DYSF: variants seen among roughly 807,000 people sequenced by gnomAD.
DYSF encodes the protein dystrophy-associated fer-1-like 1.
Under a neutral mutation model 274.9 loss-of-function variants are expected in DYSF, and 212 were observed. The ratio of observed to expected loss-of-function variants is 0.77; its 90% CI spans 0.69 to 0.86. The LOEUF (loss-of-function observed/expected upper bound fraction) is 0.86. DYSF is among the 40% of genes least tolerant of loss of function. The probability of loss-of-function intolerance (pLI) is 0.00; values close to 1 mark genes in which losing one functional copy is unlikely to be tolerated. For synonymous variants in DYSF, 1,091 were observed against 1,078.7 expected (o/e 1.01, Z -0.22); for missense variants, 2,666 against 2,783.2 (o/e 0.96, Z 0.95).
chr2:71,483,515 T>C (rs13012044), intron 3 of DYSF, among the ~76,000 whole-genome samples: 31,252 of 151,708 alleles, frequency 0.21, 4,106 homozygotes, highest in African/African-American at 0.37. Context: ...CAGGCTCAGG[T>C]CTCACAGGTG....
intron 3 of DYSF, among the ~76,000 whole-genome samples, chr2:71,499,097 G>A (rs1295395340): frequency 6.6e-6 from 1 of 152,204 alleles, no homozygotes; most frequent in Non-Finnish European, 1.5e-5. Context: ...CTTTGTCCCT[G>A]ATCTGCCCAG....
chr2:71,465,157 C>T (rs956570763), upstream of DYSF, among the ~76,000 whole-genome samples: 4 of 152,064 alleles, frequency 2.6e-5, no homozygotes, highest in Admixed American at 1.3e-4. Flanking sequence ...TGGGATGATC[C>T]GGTAAACAGG....
At chr2:71,569,508 A>G (rs867671831) in intron 26 of DYSF, among the ~76,000 whole-genome samples, 1 of 152,218 alleles carries the variant, frequency 6.6e-6, no homozygotes, top group South Asian at 2.1e-4. Context: ...GCACAACTTG[A>G]TAAAACTTTA....
At chr2:71,674,106 C>T (rs903854582) in intron 51 of DYSF, 91 bp from the exon 52 acceptor site, 1 of 1,169,670 alleles carries the variant, frequency 8.5e-7, no homozygotes, top group Admixed American at 1.9e-5. Context: ...ACTCCTCTGC[C>T]TCCTCCAGGC....
intron 14 of DYSF, among the ~76,000 whole-genome samples, chr2:71,532,409 G>A (rs114430816): frequency 6.6e-6 from 1 of 152,246 alleles, no homozygotes; most frequent in African/African-American, 2.4e-5. Flanking sequence ...GTGAAGGAAG[G>A]TAAAGAAAAA....
intron 35 of DYSF, 84 bp from the exon 36 acceptor site, chr2:71,602,692 C>T: frequency 1.3e-6 from 2 of 1,506,174 alleles, no homozygotes; most frequent in South Asian, 1.2e-5. Context: ...GCCTAGTGCG[C>T]CTTGATACTA....
intron 22 of DYSF, among the ~76,000 whole-genome samples, chr2:71,559,189 G>C (rs551566386): frequency 1.3e-5 from 2 of 152,270 alleles, no homozygotes; most frequent in East Asian, 3.9e-4. Context: ...CAAGGTGCTG[G>C]ACATGTCCAC....
chr2:71,590,414 T>G (rs1258807167), intron 32 of DYSF, 126 bp downstream of exon 32: 2 of 1,004,004 alleles, frequency 2.0e-6, no homozygotes, highest in Non-Finnish European at 3.1e-6. Context: ...GTCACCAGGG[T>G]CCTGTGGCTT....
intron 30 of DYSF, among the ~76,000 whole-genome samples, chr2:71,580,119 G>T (rs748525148): frequency 6.6e-6 from 1 of 152,248 alleles, no homozygotes; most frequent in Non-Finnish European, 1.5e-5. Flanking sequence ...CTTTGTGGTG[G>T]GGTCCCAGGG....
chr2:71,529,303 A>G (rs1377892707), intron 14 of DYSF, among the ~76,000 whole-genome samples: 7 of 152,090 alleles, frequency 4.6e-5, no homozygotes, highest in Non-Finnish European at 8.8e-5. Context: ...CCCCACAGCC[A>G]CTGCTAGCTC....
At chr2:71,538,062 C>G (rs996020720) in intron 16 of DYSF, among the ~76,000 whole-genome samples, 1 of 152,242 alleles carries the variant, frequency 6.6e-6, no homozygotes, top group Non-Finnish European at 1.5e-5. Context: ...CTGGTCTCCA[C>G]GTCAGCATAT....
At chr2:71,530,626 G>C (rs1239297243) in intron 14 of DYSF, among the ~76,000 whole-genome samples, 5 of 152,174 alleles carry the variant, frequency 3.3e-5, no homozygotes, top group Admixed American at 6.5e-5. Flanking sequence ...GGGAGTTGAA[G>C]AATGACCTTA....
chr2:71,508,246 T>C (rs2085699906), intron 4 of DYSF, among the ~76,000 whole-genome samples: 1 of 152,206 alleles, frequency 6.6e-6, no homozygotes, highest in Non-Finnish European at 1.5e-5. Flanking sequence ...TCCTGGCCCA[T>C]CATTCTGAAC....
In DYSF at chr2:71,570,302, C is replaced by T. The variant is rs748720895; in HGVS notation, c.3053C>T (p.Ser1018Phe). The part of the protein sequence containing the change: ...LGWKWEDEEW[S>F]TDLNRAVDEQ... Reference sequence around the variant, plus strand: ...TGGAAGTGGGAAGATGAGGAATGGTCCACAGACCTCAACCGGGCTGTCGAT... The same window carrying T: ...TGGAAGTGGGAAGATGAGGAATGGTTCACAGACCTCAACCGGGCTGTCGAT... The change falls in exon 28 of 56, where the codon TCC becomes TTC. Residue 1018 changes from serine to phenylalanine, a missense_variant. Ser to Phe is a radical substitution (Grantham distance 155). Transcript: ENST00000410020. 8 of 1,614,100 alleles carry T rather than the reference C, an allele frequency of 5.0e-6. No homozygotes were observed. The East Asian group carries it at 1.6e-4, about 31-fold the overall frequency.
At position 71,516,176 on chromosome 2, in the gene DYSF, A is replaced by G; in HGVS notation, c.889-4A>G. The G allele has an allele frequency of 6.2e-7, 1 of 1,614,146 alleles. No homozygotes were observed. The highest frequency in any genetic ancestry group is 8.5e-7 in the Non-Finnish European group (1 of 1,180,006). The stretch of plus-strand genomic sequence containing the variant: ...ATATGTCTCTCTTTGCTCTGAACCA[A>G]CAGACTCTTTTCTTCAACTTGTTTG... On this transcript the variant is annotated splice_polypyrimidine_tract_variant and splice_region_variant and intron_variant, in intron 8 of 55. Coordinates refer to ENST00000410020, the MANE Select transcript of DYSF (RefSeq NM_001130987.2).
chr2:71,565,264 T>TA (rs2092016182), intron 24 of DYSF, among the ~76,000 whole-genome samples: 3 of 148,784 alleles, frequency 2.0e-5, no homozygotes, highest in African/African-American at 7.5e-5. Flanking sequence ...TTTTTTTTTT[T>TA]AATTTTAGTG....
intron 48 of DYSF, among the ~76,000 whole-genome samples, chr2:71,667,961 G>A (rs1304528251): frequency 6.6e-6 from 1 of 152,128 alleles, no homozygotes; most frequent in Non-Finnish European, 1.5e-5. Context: ...CACCCACAGA[G>A]AGCAGTCCTC....
chr2:71,553,975 C>T (rs1196593705), intron 21 of DYSF, 44 bp downstream of exon 21: 5 of 1,613,602 alleles, frequency 3.1e-6, no homozygotes, highest in East Asian at 2.2e-5. Context: ...TATGCATGCA[C>T]CTGCTACCCC....
chr2:71,590,264 G>T lies in DYSF; in HGVS notation c.3550G>T (p.Ala1184Ser), dbSNP rs369341163. The T allele has an allele frequency of 6.2e-7, 1 of 1,614,058 alleles. No homozygotes were observed. Among genetic ancestry groups the T allele is most frequent in the Non-Finnish European group, 8.5e-7 (1 of 1,180,032 alleles). The change falls in exon 32 of 56, where the codon GCG (alanine) becomes TCG (serine). Residue 1184 changes from alanine to serine, a missense_variant. Ala to Ser is a moderately conservative substitution (Grantham distance 99). This residue lies in a region of DYSF where 1,460 missense variants were observed against 1,502.1 expected (regional missense o/e 0.97). Coordinates refer to ENST00000410020, the MANE Select transcript of DYSF (RefSeq NM_001130987.2). ...CATGTACCAGGCCCGGGACCTGGCT[G>T]CGATGGACAAGGACTCTTTTTCTGG... ...CYMYQARDLA[A>S]MDKDSFSDPY...
Sources: gnomAD v4.1 joint callset for allele counts (sites outside exome capture counted in the v4.1 genomes callset) on GRCh38, gnomAD v4.1.1 for gene constraint, gnomAD v4.1.1 regional missense constraint, MANE v1.5 for transcripts, NCBI Gene and HGNC (gene_info 2026-07-23, HGNC 2026-07-21) for gene names.